The following PCGF5 variants were observed in gnomAD, a reference collection of about 807,000 sequenced individuals.
The protein encoded by PCGF5 is polycomb group RING finger protein 5.
A neutral mutation model predicts 44.3 loss-of-function variants in PCGF5; 9 were observed. The ratio of observed to expected loss-of-function variants is 0.20; its 90% CI spans 0.12 to 0.35. The LOEUF (loss-of-function observed/expected upper bound fraction) is 0.35. PCGF5 is among the 10% of genes least tolerant of loss of function. The pLI, the probability that PCGF5 is intolerant of heterozygous loss-of-function variation, is 1.00. For synonymous variants in PCGF5, 95 were observed against 102.5 expected (o/e 0.93, Z 0.44); for missense variants, 146 against 305.3 (o/e 0.48, Z 3.89).
At position 91,275,745 on chromosome 10, in the gene PCGF5, G is replaced by A. The variant is rs377659613; in HGVS notation, c.724-2524G>A. On this transcript the variant is annotated intron_variant, in intron 9 of 9. Transcript: ENST00000336126. ...TGGGATTACAGGCGTGAGCCACTGC[G>A]CCCAGCCAGAACTACCTTCTTGAAG... 1.8e-3 allele frequency among the ~76,000 whole-genome samples: 279 copies of A among 152,076 alleles called. 1 individual carries two copies. The highest frequency in any genetic ancestry group is 6.2e-3 in the African/African-American group (256 of 41,486).
intron 5 of PCGF5, among the ~76,000 whole-genome samples, chr10:91,250,824 T>A (rs1422941367): frequency 1.3e-5 from 2 of 151,864 alleles, no homozygotes; most frequent in Non-Finnish European, 2.9e-5. Context: ...ACTGGCTGAT[T>A]TTATGAATAG....
At chr10:91,205,258 A>G (rs1418559085) in intron 1 of PCGF5, among the ~76,000 whole-genome samples, 3 of 150,772 alleles carry the variant, frequency 2.0e-5, no homozygotes, top group East Asian at 1.9e-4. Flanking sequence ...TTATGGAACG[A>G]TTTTTCTTTT....
rs12775660 is a variant in PCGF5, at chr10:91,181,097, T to A, written c.-184+18016T>A. ...AGCTGTATTTTTAGCTATTTTATTA[T>A]TTTTATGGCAATTGTGCATGGGAGT... On this transcript the variant is annotated intron_variant, in intron 1 of 9. Coordinates refer to the PCGF5 transcript ENST00000614189. Among the ~76,000 whole-genome samples the A allele has an allele frequency of 5.7e-3, 871 of 152,350 alleles. 7 individuals carry two copies. The highest frequency in any genetic ancestry group is 9.1e-3 in the Non-Finnish European group (616 of 68,032).
intron 6 of PCGF5, among the ~76,000 whole-genome samples, chr10:91,255,196 A>C (rs6583762): frequency 0.039 from 5,978 of 152,208 alleles, 378 homozygotes; most frequent in African/African-American, 0.13. Flanking sequence ...GGCATTTGTC[A>C]AAAACAATTA....
intron 8 of PCGF5, among the ~76,000 whole-genome samples, chr10:91,270,553 G>A (rs1339985025): frequency 3.3e-5 from 5 of 152,156 alleles, no homozygotes; most frequent in African/African-American, 7.2e-5. Flanking sequence ...CTTACAGCAT[G>A]TTGATGCACA....
At chr10:91,216,982 T>G (rs889081391), upstream of PCGF5, among the ~76,000 whole-genome samples, 7 of 152,242 alleles carry the variant, frequency 4.6e-5, no homozygotes, top group Non-Finnish European at 1.0e-4. Flanking sequence ...AGACACTCTA[T>G]GTTAAAATAT....
intron 1 of PCGF5, among the ~76,000 whole-genome samples, chr10:91,213,689 TTGGTCAGGC>T (rs1844494075): frequency 6.6e-6 from 1 of 151,772 alleles, no homozygotes; most frequent in Admixed American, 6.6e-5. Flanking sequence ...TTTCTCCATG[TTGGTCAGGC>T]TGGTCTCAAA....
chr10:91,202,258 T>G (rs1177151150), intron 1 of PCGF5, among the ~76,000 whole-genome samples: 2 of 152,252 alleles, frequency 1.3e-5, no homozygotes, highest in African/African-American at 4.8e-5. Context: ...TTTGATGTAG[T>G]ATGGTGGTTA....
At chr10:91,256,122 G>A (rs1055628247) in intron 6 of PCGF5, among the ~76,000 whole-genome samples, 7 of 151,988 alleles carry the variant, frequency 4.6e-5, no homozygotes, top group South Asian at 2.1e-4. Context: ...AGAAACTGTC[G>A]CTGAGGAAGC....
At chr10:91,223,640 A>G (rs1029583615) in intron 2 of PCGF5, among the ~76,000 whole-genome samples, 1 of 152,216 alleles carries the variant, frequency 6.6e-6, no homozygotes, top group East Asian at 1.9e-4. Context: ...AAGATTACAC[A>G]TACTCTTTGT....
At chr10:91,261,571 G>A (rs1351108274) in intron 7 of PCGF5, 147 bp downstream of exon 7, 5 of 1,067,130 alleles carry the variant, frequency 4.7e-6, no homozygotes, top group Non-Finnish European at 6.2e-6. Context: ...TTTTCAGAAT[G>A]TATTATTCTA....
chr10:91,230,022 G>C (rs1398441630), intron 2 of PCGF5, among the ~76,000 whole-genome samples: 2 of 151,848 alleles, frequency 1.3e-5, no homozygotes, highest in African/African-American at 4.8e-5. Flanking sequence ...TCTTAATCTT[G>C]GTGTCATCTA....
chr10:91,198,836 A>T (rs1351700864), intron 1 of PCGF5, among the ~76,000 whole-genome samples: 1 of 152,126 alleles, frequency 6.6e-6, no homozygotes, highest in Admixed American at 6.5e-5. Context: ...CAGATGGGTT[A>T]TTTCTACCCC....
In PCGF5 at chr10:91,279,125, T is replaced by A. The variant is rs1171088537; in HGVS notation, c.*809T>A. 2 of 152,278 alleles carry A rather than the reference T, an allele frequency of 1.3e-5. No homozygotes were observed. Among genetic ancestry groups the A allele is most frequent in the Non-Finnish European group, 2.9e-5 (2 of 68,034 alleles). 9.4% of individuals were successfully genotyped at this position (152,278 alleles called of 1,614,324 possible). On this transcript the variant is annotated 3_prime_UTR_variant, in exon 10 of 10. Coordinates refer to ENST00000336126, the MANE Select transcript of PCGF5 (RefSeq NM_032373.5). ...ATGCCTTATGACAAGCAGGTGCTGC[T>A]TCATGAAACGTCATTGTATAGCCCA...
chr10:91,201,464 A>G (rs930785506), intron 1 of PCGF5, among the ~76,000 whole-genome samples: 12 of 152,198 alleles, frequency 7.9e-5, no homozygotes, highest in African/African-American at 2.9e-4. Flanking sequence ...ACTCATTCAA[A>G]TCATAAACAG....
rs1209655511 is a variant in PCGF5 at position 91,280,921 on chromosome 10, TAA to T, written c.*2608_*2609del. The T allele has an allele frequency of 6.6e-6, 1 of 152,474 alleles. No homozygotes were observed. The highest frequency in any genetic ancestry group is 2.4e-5 in the African/African-American group (1 of 41,454). 9.4% of individuals were successfully genotyped at this position (152,474 alleles called of 1,614,324 possible). A position where few individuals can be genotyped will look rare whatever the true frequency, so the allele number is the denominator to read the frequency against. ...AATCTGTAACATCAGAGACTAAAAC[TAA>T]AAGTTTTCTTTAATCTGTTGTTTCT... On this transcript the variant is annotated 3_prime_UTR_variant, in exon 10 of 10. Coordinates refer to ENST00000336126, the MANE Select transcript of PCGF5 (RefSeq NM_032373.5).
chr10:91,171,700 T>A (rs1843608953), intron 1 of PCGF5, among the ~76,000 whole-genome samples: 1 of 152,004 alleles, frequency 6.6e-6, no homozygotes, highest in Admixed American at 6.6e-5. Context: ...GAAAAACGAA[T>A]GTGGAGGGAG....
chr10:91,183,679 A>G (rs1330419436), intron 1 of PCGF5, among the ~76,000 whole-genome samples: 3 of 152,122 alleles, frequency 2.0e-5, no homozygotes, highest in Non-Finnish European at 4.4e-5. Flanking sequence ...TGTGTACTTC[A>G]GTGTGTTTCT....
At chr10:91,193,200 T>C (rs1321051532) in intron 1 of PCGF5, among the ~76,000 whole-genome samples, 4 of 152,114 alleles carry the variant, frequency 2.6e-5, no homozygotes, top group Admixed American at 2.6e-4. Context: ...TGCAAGAAAC[T>C]GAATCCAGCC....
Sources: gnomAD v4.1 joint callset for allele counts (sites outside exome capture counted in the v4.1 genomes callset) on GRCh38, gnomAD v4.1.1 for gene constraint, MANE v1.5 for transcripts, NCBI Gene and HGNC (gene_info 2026-07-23, HGNC 2026-07-21) for gene names.